Variants in PPARGC1A observed in about 807,000 individuals in gnomAD.
The protein encoded by PPARGC1A is PPARG coactivator 1 alpha.
Under a neutral mutation model 88.7 loss-of-function variants are expected in PPARGC1A, and 25 were observed. The ratio of observed to expected loss-of-function variants is 0.28; its 90% confidence interval spans 0.21 to 0.39. The LOEUF (loss-of-function observed/expected upper bound fraction) is 0.39, where lower values mean the gene tolerates loss of function less well. Among genes scored for constraint, PPARGC1A ranks in the 10% least tolerant of loss-of-function variants. The pLI is 1.00. For missense variants in PPARGC1A, 880 were observed against 968.7 expected (o/e 0.91, Z 1.22); for synonymous variants, 363 against 355.6 (o/e 1.02, Z -0.24).
intron 2 of PPARGC1A, among the ~76,000 whole-genome samples, chr4:23,872,767 C>A (rs1440505079): frequency 6.6e-6 from 1 of 152,086 alleles, no homozygotes; most frequent in Non-Finnish European, 1.5e-5. Context: ...TAATGGATGA[C>A]AATTATATTT....
At chr4:24,164,817 C>T in the PPARGC1A span, among the ~76,000 whole-genome samples, 2 of 152,304 alleles carry the variant, frequency 1.3e-5, no homozygotes, top group South Asian at 4.1e-4. Context: ...TGGCTACACA[C>T]ATTGGCAGAC....
rs76879354 is a variant in PPARGC1A, at chr4:23,854,862, C to G, written c.235-23111G>C. On this transcript the variant is annotated intron_variant, in intron 2 of 12. Transcript: ENST00000264867. ...AAAGGGGAAGGAAGGGAAAGAAAGG[C>G]CTGTTTCCAATATAAACTAGGTTGA... is the stretch of plus-strand genomic sequence containing the variant. Among the ~76,000 whole-genome samples the G allele has an allele frequency of 3.6e-3, 551 of 152,146 alleles. 6 individuals carry two copies. Among genetic ancestry groups the G allele is most frequent in the African/African-American group, 0.013 (527 of 41,496 alleles).
At chr4:23,997,521 G>A in the PPARGC1A span, among the ~76,000 whole-genome samples, 17 of 58,372 alleles carry the variant, frequency 2.9e-4, no homozygotes, top group African/African-American at 9.1e-4. Context: ...TTTTTTTTTG[G>A]CGATGGAGTC....
the PPARGC1A span, among the ~76,000 whole-genome samples, chr4:24,289,534 G>A: frequency 3.3e-5 from 5 of 152,210 alleles, no homozygotes; most frequent in East Asian, 1.9e-4. Context: ...ATAACTTCAC[G>A]TGTTCATGTT....
the PPARGC1A span, among the ~76,000 whole-genome samples, chr4:23,951,647 G>C: frequency 2.0e-5 from 3 of 152,068 alleles, no homozygotes; most frequent in East Asian, 5.8e-4. Flanking sequence ...GAGAGCCTTT[G>C]GCTAAAACTC....
the PPARGC1A span, among the ~76,000 whole-genome samples, chr4:24,152,822 C>G: frequency 6.6e-6 from 1 of 152,188 alleles, no homozygotes; most frequent in East Asian, 1.9e-4. Context: ...TCTACCCCAA[C>G]TCTAGGTCTT....
At chr4:24,230,703 G>A in the PPARGC1A span, among the ~76,000 whole-genome samples, 1 of 152,200 alleles carries the variant, frequency 6.6e-6, no homozygotes, top group Non-Finnish European at 1.5e-5. Flanking sequence ...TGAGGCAGAA[G>A]TTAGGAAAGA....
the PPARGC1A span, among the ~76,000 whole-genome samples, chr4:24,355,545 CTG>C: frequency 6.6e-6 from 1 of 152,062 alleles, no homozygotes; most frequent in Admixed American, 6.5e-5. Flanking sequence ...ATGGCTGTCA[CTG>C]TGAAAAAAAT....
chr4:23,800,048 G>A (rs901957458), intron 12 of PPARGC1A, among the ~76,000 whole-genome samples: 1 of 152,124 alleles, frequency 6.6e-6, no homozygotes, highest in Non-Finnish European at 1.5e-5. Context: ...AGCTTGTGGA[G>A]TGAATTATAG....
the PPARGC1A span, among the ~76,000 whole-genome samples, chr4:24,159,445 G>A: frequency 3.3e-5 from 5 of 151,996 alleles, no homozygotes; most frequent in African/African-American, 7.2e-5. Flanking sequence ...TCCTGACCTC[G>A]TGATCTGCCT....
At chr4:24,397,441 A>G in the PPARGC1A span, among the ~76,000 whole-genome samples, 1 of 152,186 alleles carries the variant, frequency 6.6e-6, no homozygotes, top group East Asian at 1.9e-4. Flanking sequence ...GTACATGGCC[A>G]TTTGTAATAA....
the PPARGC1A span, among the ~76,000 whole-genome samples, chr4:23,986,043 C>A: frequency 6.6e-6 from 1 of 151,694 alleles, no homozygotes; most frequent in Admixed American, 6.6e-5. Flanking sequence ...TGAAACTCCC[C>A]GAGCCCTTTG....
At chr4:23,987,814 A>C in the PPARGC1A span, among the ~76,000 whole-genome samples, 5 of 151,946 alleles carry the variant, frequency 3.3e-5, no homozygotes, top group East Asian at 5.8e-4. Flanking sequence ...TTATACTTTA[A>C]GTTCTGGGGT....
the PPARGC1A span, among the ~76,000 whole-genome samples, chr4:24,053,172 A>G: frequency 6.6e-6 from 1 of 151,614 alleles, no homozygotes; most frequent in Non-Finnish European, 1.5e-5. Context: ...CGCCTGGCCC[A>G]GATTTTTTTT....
chr4:23,808,627 G>A (rs538952285), intron 10 of PPARGC1A, among the ~76,000 whole-genome samples: 3 of 152,268 alleles, frequency 2.0e-5, no homozygotes, highest in East Asian at 1.9e-4. Context: ...AAGCTTACGA[G>A]TCTGAGAAAG....
chr4:24,010,265 C>A, the PPARGC1A span, among the ~76,000 whole-genome samples: 7 of 152,138 alleles, frequency 4.6e-5, no homozygotes, highest in Non-Finnish European at 5.9e-5. Flanking sequence ...GTTCAATAAA[C>A]TACTTATTCC....
chr4:24,359,190 G>A, the PPARGC1A span, among the ~76,000 whole-genome samples: 1 of 152,214 alleles, frequency 6.6e-6, no homozygotes, highest in Non-Finnish European at 1.5e-5. Context: ...CGAGTTTAGA[G>A]CCTAGTAAGC....
chr4:24,361,653 C>G, the PPARGC1A span, among the ~76,000 whole-genome samples: 1 of 152,202 alleles, frequency 6.6e-6, no homozygotes, highest in Non-Finnish European at 1.5e-5. Context: ...ATCTAAAACT[C>G]AACAGGAAAA....
At chr4:23,857,513 G>T (rs1263108855) in intron 2 of PPARGC1A, among the ~76,000 whole-genome samples, 2 of 151,716 alleles carry the variant, frequency 1.3e-5, no homozygotes, top group African/African-American at 4.8e-5. Flanking sequence ...TCAGAGGATA[G>T]CCACTGGGTG....
Sources: gnomAD v4.1 joint callset for allele counts (sites outside exome capture counted in the v4.1 genomes callset) on GRCh38, gnomAD v4.1.1 for gene constraint, MANE v1.5 for transcripts, NCBI Gene and HGNC (gene_info 2026-07-23, HGNC 2026-07-21) for gene names.